AXL: variants seen among roughly 807,000 people sequenced by gnomAD.
AXL encodes tyrosine-protein kinase receptor UFO.
Under a neutral mutation model 104.5 loss-of-function variants are expected in AXL, and 52 were observed. That is an observed-to-expected ratio of 0.50 (90% CI 0.40 to 0.63). The LOEUF (loss-of-function observed/expected upper bound fraction) is 0.63, where lower values mean the gene tolerates loss of function less well. Among genes scored for constraint, AXL ranks in the 20% least tolerant of loss-of-function variants. The pLI is 0.00. For missense variants in AXL, 1,024 were observed against 1,188.5 expected (o/e 0.86, Z 2.04); for synonymous variants, 455 against 473.7 (o/e 0.96, Z 0.51).
At chr19:41,250,815 T>C (rs2034350259) in intron 14 of AXL, among the ~76,000 whole-genome samples, 1 of 152,176 alleles carries the variant, frequency 6.6e-6, no homozygotes, top group African/African-American at 2.4e-5. Flanking sequence ...CACAGCTCAC[T>C]GTAGTCTCAA....
chr19:41,239,377 T>A lies in AXL; in HGVS notation c.1285+63T>A, dbSNP rs2034140858. 7.9e-6 allele frequency: 12 copies of A among 1,525,174 alleles called. No homozygotes were observed. The South Asian group carries it at 1.3e-4, about 17-fold the overall frequency. The allele number at this position is 1,525,174 out of a possible 1,614,324, so 94.5% of individuals were successfully genotyped here. ...TCTCTCCCTGACAGCCCTGACTTACTCCTTGTACCTTTCAGTGTTACCGCA... is the reference window on the plus strand; with the variant it reads ...TCTCTCCCTGACAGCCCTGACTTACACCTTGTACCTTTCAGTGTTACCGCA... On this transcript the variant is annotated intron_variant, in intron 9 of 19. Transcript: ENST00000301178.
rs2034536412 is a variant in AXL, at chr19:41,261,163, T to C, written c.*1259T>C. 1 of 152,486 alleles carries C rather than the reference T, an allele frequency of 6.6e-6. No individual in the cohort carries two copies. The highest frequency in any genetic ancestry group is 1.5e-5 in the Non-Finnish European group (1 of 68,032). The allele number at this position is 152,486 out of a possible 1,614,324, so 9.4% of individuals were successfully genotyped here. A position where few individuals can be genotyped will look rare whatever the true frequency, so the allele number is the denominator to read the frequency against. On this transcript the variant is annotated 3_prime_UTR_variant, in exon 20 of 20. Transcript: ENST00000301178. The stretch of plus-strand genomic sequence containing the variant: ...GTGTCTAAGATTCTAGATCAGATGC[T>C]CCAAGATTCTAGATGATTAAATAAG...
chr19:41,234,402 C>T (rs1004174484), intron 6 of AXL, among the ~76,000 whole-genome samples: 7 of 152,062 alleles, frequency 4.6e-5, no homozygotes, highest in Admixed American at 2.6e-4. Flanking sequence ...AGGTGGATCG[C>T]TTGAGCCCAG....
chr19:41,233,681 G>A (rs2034032417), intron 6 of AXL, among the ~76,000 whole-genome samples: 2 of 146,812 alleles, frequency 1.4e-5, no homozygotes, highest in African/African-American at 5.0e-5. Flanking sequence ...TTTTCAAGGT[G>A]AGGAACTGAG....
At chr19:41,235,014 C>T (rs1235911201) in intron 6 of AXL, among the ~76,000 whole-genome samples, 5 of 152,150 alleles carry the variant, frequency 3.3e-5, no homozygotes, top group South Asian at 2.1e-4. Context: ...GAACCTGTGC[C>T]GCTATGCAGA....
chr19:41,225,575 C>T (rs2033864832), intron 4 of AXL, among the ~76,000 whole-genome samples: 1 of 152,136 alleles, frequency 6.6e-6, no homozygotes, highest in African/African-American at 2.4e-5. Context: ...ATGTACATTG[C>T]GTCGCTAGGT....
chr19:41,250,465 A>G (rs1211342591), intron 14 of AXL, among the ~76,000 whole-genome samples: 1 of 152,024 alleles, frequency 6.6e-6, no homozygotes, highest in Admixed American at 6.6e-5. Context: ...TGTTTTGAGG[A>G]GGAGTCTCAC....
chr19:41,254,531 A>T (rs1312121944), intron 17 of AXL, among the ~76,000 whole-genome samples: 1 of 151,972 alleles, frequency 6.6e-6, no homozygotes. Context: ...AAAAAAAAAG[A>T]AAAAAAGAAA....
chr19:41,227,652 A>AT (rs1005361315), intron 4 of AXL, among the ~76,000 whole-genome samples: 2 of 151,582 alleles, frequency 1.3e-5, no homozygotes, highest in Admixed American at 6.6e-5. Flanking sequence ...TGCCCGGCTG[A>AT]TTTTTTTGTA....
intron 8 of AXL, among the ~76,000 whole-genome samples, chr19:41,238,952 T>C (rs990141673): frequency 4.0e-5 from 6 of 151,490 alleles, no homozygotes; most frequent in African/African-American, 9.7e-5. Flanking sequence ...TACCCTGACA[T>C]AGGGAGGGAG....
At chr19:41,239,087 G>A in intron 8 of AXL, 77 bp from the exon 9 acceptor site, 2 of 1,539,842 alleles carry the variant, frequency 1.3e-6, no homozygotes, top group East Asian at 2.3e-5. Context: ...GAAAGAGATG[G>A]GGCATTGAGC....
At chr19:41,253,780 T>TCC in intron 17 of AXL, 72 bp downstream of exon 17, 2 of 1,236,378 alleles carry the variant, frequency 1.6e-6, no homozygotes, top group Non-Finnish European at 2.3e-6. Flanking sequence ...TCCCTCCTTC[T>TCC]TAGGATGGAA....
chr19:41,232,707 C>A (rs1217933632), intron 6 of AXL, among the ~76,000 whole-genome samples: 1 of 151,818 alleles, frequency 6.6e-6, no homozygotes, highest in African/African-American at 2.4e-5. Flanking sequence ...AGGCCTAATT[C>A]TGGTCTGAAG....
intron 18 of AXL, 54 bp from the exon 19 acceptor site, chr19:41,257,439 G>T: frequency 6.2e-7 from 1 of 1,609,198 alleles, no homozygotes; most frequent in South Asian, 1.1e-5. Context: ...CCTGGGTATT[G>T]GTGCGGGTGA....
chr19:41,252,256 GTGATGATGATGA>G, intron 14 of AXL, 83 bp from the exon 15 acceptor site: 3 of 1,021,892 alleles, frequency 2.9e-6, no homozygotes, highest in African/African-American at 3.2e-5. Flanking sequence ...ATGAAGATGA[GTGATGATGATGA>G]TGATGATGAT....
chr19:41,249,911 A>G (rs1674747289), intron 14 of AXL, among the ~76,000 whole-genome samples: 1 of 152,132 alleles, frequency 6.6e-6, no homozygotes, highest in African/African-American at 2.4e-5. Context: ...CCCATTGGCA[A>G]ATCCCAAGAG....
chr19:41,252,756 AGT>A, intron 15 of AXL, 88 bp from the exon 16 acceptor site: 1 of 1,584,744 alleles, frequency 6.3e-7, no homozygotes, highest in Non-Finnish European at 8.6e-7. Flanking sequence ...TTGGATGGGT[AGT>A]GAGAAGGAGA....
Position 41,221,648 on chromosome 19 carries a change from G to A in AXL, c.410-232G>A, listed in dbSNP as rs944976212. On this transcript the variant is annotated intron_variant, in intron 3 of 19. Transcript: ENST00000301178. ...TGAGGATGAGCTGTCAGACATTCTGGAAGAGAGACATGAGGAGCTCAGCTA... is the reference window on the plus strand; with the variant it reads ...TGAGGATGAGCTGTCAGACATTCTGAAAGAGAGACATGAGGAGCTCAGCTA... The A allele has an allele frequency of 1.3e-5, 7 of 554,344 alleles. No individual in the cohort carries two copies. In the East Asian group the frequency reaches 2.2e-4, roughly 18 times the overall value. 34.3% of individuals were successfully genotyped at this position (554,344 alleles called of 1,614,324 possible). A position where few individuals can be genotyped will look rare whatever the true frequency, so the allele number is the denominator to read the frequency against.
chr19:41,220,184 CCT>C (rs2033761379), intron 1 of AXL, among the ~76,000 whole-genome samples: 2 of 150,810 alleles, frequency 1.3e-5, no homozygotes, highest in South Asian at 2.1e-4. Context: ...TATCTGTGCT[CCT>C]CTCTGTCTCA....
Sources: allele counts gnomAD v4.1 joint callset (sites outside exome capture counted in the v4.1 genomes callset), GRCh38; gene constraint gnomAD v4.1.1; transcripts MANE v1.5; gene names NCBI Gene and HGNC (gene_info 2026-07-23, HGNC 2026-07-21).